The following MYT1L variants were observed in gnomAD, a reference collection of about 807,000 sequenced individuals.
MYT1L encodes myelin transcription factor 1 like, also known as myelin transcription factor 1-like protein.
Under a neutral mutation model 126.7 loss-of-function variants are expected in MYT1L, and 12 were observed. The observed-to-expected ratio is 0.09, with a 90% confidence interval of 0.06 to 0.15. The LOEUF is 0.15. Ranked by LOEUF, MYT1L falls within the 10% of genes least tolerant of loss-of-function variation. The probability of loss-of-function intolerance (pLI) is 1.00; values close to 1 mark genes in which losing one functional copy is unlikely to be tolerated. For synonymous variants in MYT1L, 541 were observed against 604.2 expected, an observed-to-expected ratio of 0.90 and a Z score of 1.53; for missense variants, 979 against 1,585.2, an observed-to-expected ratio of 0.62 and a Z score of 6.49.
At chr2:1,937,886 A>G (rs1041023436) in intron 9 of MYT1L, among the ~76,000 whole-genome samples, 10 of 152,236 alleles carry the variant, frequency 6.6e-5, no homozygotes, top group African/African-American at 2.4e-4. Flanking sequence ...CCTTTGGGTC[A>G]CTGATCTGGA....
At chr2:2,285,367 C>T (rs1051941578) in intron 1 of MYT1L, among the ~76,000 whole-genome samples, 1 of 152,190 alleles carries the variant, frequency 6.6e-6, no homozygotes, top group Non-Finnish European at 1.5e-5. Flanking sequence ...AAGAAACATG[C>T]ACAGACCAGG....
chr2:2,161,979 G>A (rs979638531), intron 3 of MYT1L, among the ~76,000 whole-genome samples: 1 of 152,096 alleles, frequency 6.6e-6, no homozygotes, highest in African/African-American at 2.4e-5. Context: ...TGGTAGTTTC[G>A]GAAGCAGGCA....
At chr2:1,987,320 T>G (rs560082548) in intron 5 of MYT1L, among the ~76,000 whole-genome samples, 21 of 141,554 alleles carry the variant, frequency 1.5e-4, no homozygotes, top group East Asian at 6.0e-4. Context: ...GTTTTTTTTG[T>G]TTTTTTTTTT....
intron 5 of MYT1L, among the ~76,000 whole-genome samples, chr2:1,981,522 T>C (rs1425602618): frequency 2.0e-5 from 3 of 152,160 alleles, no homozygotes; most frequent in Non-Finnish European, 4.4e-5. Context: ...GTCCATTTGC[T>C]GGGAATGCTG....
At chr2:2,081,963 G>A (rs1451361949) in intron 3 of MYT1L, among the ~76,000 whole-genome samples, 1 of 152,026 alleles carries the variant, frequency 6.6e-6, no homozygotes, top group Non-Finnish European at 1.5e-5. Context: ...GGCTGGTCTC[G>A]AACTCCTGAC....
At chr2:2,147,983 T>G (rs1328950235) in intron 3 of MYT1L, among the ~76,000 whole-genome samples, 4 of 152,168 alleles carry the variant, frequency 2.6e-5, no homozygotes, top group Admixed American at 2.0e-4. Context: ...GAATCTGTAG[T>G]TCTAGGAGCC....
intron 21 of MYT1L, among the ~76,000 whole-genome samples, chr2:1,818,401 A>G (rs189298003): frequency 1.3e-5 from 2 of 152,154 alleles, no homozygotes; most frequent in Non-Finnish European, 2.9e-5. Flanking sequence ...AGTGAGTTTC[A>G]CTCTAATAAC....
chr2:1,847,611 G>A (rs762886795), intron 19 of MYT1L, among the ~76,000 whole-genome samples: 23 of 152,096 alleles, frequency 1.5e-4, no homozygotes, highest in Non-Finnish European at 2.5e-4. Context: ...GTGGGCCTGG[G>A]GGGTCGGAAA....
In MYT1L at chr2:2,064,856, TTAAAG is replaced by T. The variant is rs539742770; in HGVS notation, c.-303-10738_-303-10734del. Among the ~76,000 whole-genome samples, 49 of 152,340 alleles carry T rather than the reference TTAAAG, an allele frequency of 3.2e-4. No homozygotes were observed. The East Asian group carries it at 9.2e-3, about 29-fold the overall frequency. ...TTATGAAATATGAAACGATTCCTGA[TTAAAG>T]TATTTTGGTGTTTAGATGTAATAAA... On this transcript the variant is annotated intron_variant, in intron 3 of 24. Coordinates refer to ENST00000647738, the MANE Select transcript of MYT1L (RefSeq NM_001303052.2).
intron 4 of MYT1L, among the ~76,000 whole-genome samples, chr2:2,021,983 T>G (rs992868774): frequency 3.3e-5 from 5 of 152,150 alleles, no homozygotes; most frequent in African/African-American, 4.8e-5. Context: ...CTGACACAAG[T>G]GGCAGTTCCA....
chr2:1,888,845 T>A (rs2048470084), intron 16 of MYT1L, among the ~76,000 whole-genome samples: 1 of 152,204 alleles, frequency 6.6e-6, no homozygotes, highest in African/African-American at 2.4e-5. Context: ...GGCTAGTTAA[T>A]TAATAGCACA....
chr2:2,233,862 G>A (rs561727900), intron 2 of MYT1L, among the ~76,000 whole-genome samples: 5 of 152,328 alleles, frequency 3.3e-5, no homozygotes, highest in Non-Finnish European at 7.3e-5. Flanking sequence ...GCCACAGTCT[G>A]AAATACAGGA....
intron 2 of MYT1L, among the ~76,000 whole-genome samples, chr2:2,209,013 C>T (rs185524928): frequency 1.2e-4 from 18 of 152,116 alleles, no homozygotes; most frequent in Admixed American, 7.2e-4. Flanking sequence ...CACACACACA[C>T]ACACACACAC....
chr2:1,799,744 C>T (rs2034481350), intron 23 of MYT1L, among the ~76,000 whole-genome samples: 1 of 152,216 alleles, frequency 6.6e-6, no homozygotes, highest in African/African-American at 2.4e-5. Context: ...GGCTCTGTGT[C>T]CCCACCCAAA....
chr2:2,274,005 C>A (rs1323260278), intron 2 of MYT1L, among the ~76,000 whole-genome samples: 2 of 151,936 alleles, frequency 1.3e-5, no homozygotes, highest in African/African-American at 4.8e-5. Flanking sequence ...AACTGATACT[C>A]AATTATCCAT....
intron 2 of MYT1L, among the ~76,000 whole-genome samples, chr2:2,210,162 T>A (rs1183306867): frequency 1.3e-5 from 2 of 152,220 alleles, no homozygotes; most frequent in African/African-American, 4.8e-5. Flanking sequence ...TCTATAGATT[T>A]GTCTGATCTC....
intron 2 of MYT1L, among the ~76,000 whole-genome samples, chr2:2,209,861 T>C (rs377101856): frequency 6.6e-6 from 1 of 152,190 alleles, no homozygotes; most frequent in African/African-American, 2.4e-5. Context: ...AGTAGTTTTT[T>C]GAGGAATCTC....
At position 1,837,459 on chromosome 2, in the gene MYT1L, T is replaced by G. The variant is rs547006442; in HGVS notation, c.3080+1690A>C. On this transcript the variant is annotated intron_variant, in intron 21 of 24. Coordinates refer to ENST00000647738, the MANE Select transcript of MYT1L (RefSeq NM_001303052.2). ...TGAAAGGTTTGGGAAAGTAGACACT[T>G]TTTTGGAGGGCATTTTGGCATGATC... 7.4e-4 allele frequency among the ~76,000 whole-genome samples: 113 copies of G among 152,244 alleles called. 1 individual carries two copies. Among genetic ancestry groups the G allele is most frequent in the African/African-American group, 2.6e-3 (109 of 41,544 alleles).
chr2:2,282,248 A>C (rs2095458306), intron 2 of MYT1L, among the ~76,000 whole-genome samples: 1 of 152,246 alleles, frequency 6.6e-6, no homozygotes, highest in Admixed American at 6.5e-5. Flanking sequence ...CGTAGTAGGC[A>C]CTTCATACAT....
Sources: allele counts gnomAD v4.1 joint callset (sites outside exome capture counted in the v4.1 genomes callset), GRCh38; gene constraint gnomAD v4.1.1; transcripts MANE v1.5; gene names NCBI Gene and HGNC (gene_info 2026-07-23, HGNC 2026-07-21).